CSGALNACT1: variants seen among roughly 807,000 people sequenced by gnomAD.
CSGALNACT1 encodes chondroitin sulfate N-acetylgalactosaminyltransferase 1, also known as beta4GalNAcT-1.
Under a neutral mutation model 51.0 loss-of-function variants are expected in CSGALNACT1, and 52 were observed. That is an observed-to-expected ratio of 1.02 (90% CI 0.82 to 1.29). The LOEUF is 1.29. Among genes scored for constraint, CSGALNACT1 ranks in the 50% most tolerant of loss-of-function variants. CSGALNACT1 has a pLI of 0.00. For missense variants in CSGALNACT1, 935 were observed against 679.2 expected (o/e 1.38, Z -4.19); for synonymous variants, 341 against 254.4 (o/e 1.34, Z -3.24).
At position 19,560,773 on chromosome 8, in the gene CSGALNACT1, G is replaced by A. The variant is rs75957856; in HGVS notation, c.-297+30387C>T. On this transcript the variant is annotated intron_variant, in intron 3 of 9. Coordinates refer to ENST00000454498, the Ensembl canonical transcript of CSGALNACT1. ...GAACACAGGACAGATGCAGAGATGCGTATTCCAGGAGCCAGCAATTCCACT... is the reference window on the plus strand; with the variant it reads ...GAACACAGGACAGATGCAGAGATGCATATTCCAGGAGCCAGCAATTCCACT... Among the ~76,000 whole-genome samples the A allele has an allele frequency of 1.5e-3, 223 of 152,314 alleles. No homozygotes were observed. In the East Asian group the frequency reaches 0.018, roughly 12 times the overall value.
intron 2 of CSGALNACT1, among the ~76,000 whole-genome samples, chr8:19,596,739 T>TA (rs1212327045): frequency 6.6e-6 from 1 of 152,180 alleles, no homozygotes; most frequent in Non-Finnish European, 1.5e-5. Flanking sequence ...CCATGAACTC[T>TA]AAAAAATCTA....
intron 1 of CSGALNACT1, among the ~76,000 whole-genome samples, chr8:19,622,794 C>A (rs926646892): frequency 3.3e-5 from 5 of 150,806 alleles, no homozygotes; most frequent in African/African-American, 4.9e-5. Context: ...GAAAATAAGG[C>A]AAGAAAGGAG....
intron 4 of CSGALNACT1, among the ~76,000 whole-genome samples, chr8:19,483,134 C>G (rs1011956751): frequency 1.3e-5 from 2 of 152,216 alleles, no homozygotes; most frequent in African/African-American, 2.4e-5. Flanking sequence ...TCTGCTACCA[C>G]AAATGAAGCT....
At chr8:19,549,585 T>C (rs1457441956) in intron 3 of CSGALNACT1, among the ~76,000 whole-genome samples, 1 of 151,712 alleles carries the variant, frequency 6.6e-6, no homozygotes, top group East Asian at 1.9e-4. Flanking sequence ...ACAGGTGATG[T>C]TCAAAGGTCA....
At chr8:19,695,011 G>GC (rs989573358) in intron 1 of CSGALNACT1, among the ~76,000 whole-genome samples, 1 of 152,040 alleles carries the variant, frequency 6.6e-6, no homozygotes, top group African/African-American at 2.4e-5. Flanking sequence ...GGCAGCACAG[G>GC]CCCCCCATCT....
intron 3 of CSGALNACT1, among the ~76,000 whole-genome samples, chr8:19,531,222 T>A (rs554866881): frequency 4.0e-4 from 61 of 152,256 alleles, no homozygotes; most frequent in Non-Finnish European, 7.9e-4. Flanking sequence ...TATTTTAGAG[T>A]TGGAAACATT....
intron 6 of CSGALNACT1, among the ~76,000 whole-genome samples, chr8:19,426,028 G>C (rs536314174): frequency 6.2e-4 from 95 of 152,278 alleles, no homozygotes; most frequent in Non-Finnish European, 1.2e-3. Context: ...ATCTGTATGA[G>C]GGGCTCTAGC....
intron 5 of CSGALNACT1, among the ~76,000 whole-genome samples, chr8:19,441,492 G>A (rs1367812368): frequency 6.6e-6 from 1 of 152,186 alleles, no homozygotes; most frequent in African/African-American, 2.4e-5. Context: ...TTAATAAATG[G>A]TGCTGGGAAA....
intron 1 of CSGALNACT1, among the ~76,000 whole-genome samples, chr8:19,721,893 G>T (rs1175773949): frequency 6.6e-6 from 1 of 152,020 alleles, no homozygotes; most frequent in Admixed American, 6.6e-5. Context: ...AAAATTAATT[G>T]CTAAAAAAAC....
At chr8:19,553,975 AT>A (rs1304985055) in intron 3 of CSGALNACT1, among the ~76,000 whole-genome samples, 2 of 152,022 alleles carry the variant, frequency 1.3e-5, no homozygotes, top group African/African-American at 4.8e-5. Flanking sequence ...ATCTTTCAGA[AT>A]AGAGAAAAAT....
chr8:19,580,956 C>G (rs1355190958), intron 3 of CSGALNACT1, among the ~76,000 whole-genome samples: 2 of 151,928 alleles, frequency 1.3e-5, no homozygotes, highest in Non-Finnish European at 2.9e-5. Flanking sequence ...ATCAGAAGCA[C>G]AGAGAGAAAA....
exon 10 of CSGALNACT1, chr8:19,404,578 A>G (rs1334223850): frequency 2.2e-6 from 1 of 448,646 alleles, no homozygotes; most frequent in Non-Finnish European, 4.4e-6. Context: ...CCATCCCACT[A>G]GATTCTGGCA....
intron 4 of CSGALNACT1, among the ~76,000 whole-genome samples, chr8:19,471,110 A>G (rs898263268): frequency 6.6e-6 from 1 of 151,948 alleles, no homozygotes; most frequent in Non-Finnish European, 1.5e-5. Context: ...CAAAACAACA[A>G]AACAAAAGGA....
intron 1 of CSGALNACT1, among the ~76,000 whole-genome samples, chr8:19,641,184 C>T (rs1273751635): frequency 1.5e-5 from 2 of 137,158 alleles, no homozygotes; most frequent in African/African-American, 5.4e-5. Flanking sequence ...CCCTTCACTT[C>T]TCCTCCCAAC....
At chr8:19,656,118 T>C (rs1212249380) in intron 1 of CSGALNACT1, among the ~76,000 whole-genome samples, 2 of 152,206 alleles carry the variant, frequency 1.3e-5, no homozygotes, top group South Asian at 2.1e-4. Flanking sequence ...TCAGTCATCA[T>C]GGACTCTCAT....
chr8:19,523,203 C>T (rs948315086), intron 3 of CSGALNACT1, among the ~76,000 whole-genome samples: 6 of 152,292 alleles, frequency 3.9e-5, no homozygotes, highest in Admixed American at 1.3e-4. Context: ...GCCACACCCA[C>T]CTCGCTCTAT....
chr8:19,678,042 A>C (rs1203105676), intron 1 of CSGALNACT1, among the ~76,000 whole-genome samples: 1 of 152,044 alleles, frequency 6.6e-6, no homozygotes, highest in Admixed American at 6.6e-5. Flanking sequence ...AGGAGGTGGA[A>C]GCTGCAGTGA....
intron 1 of CSGALNACT1, among the ~76,000 whole-genome samples, chr8:19,733,582 T>A (rs2063803284): frequency 6.6e-6 from 1 of 152,200 alleles, no homozygotes; most frequent in South Asian, 2.1e-4. Flanking sequence ...TAAGACAGAA[T>A]TTTAATCAGA....
At chr8:19,544,699 G>C (rs1156545891) in intron 3 of CSGALNACT1, among the ~76,000 whole-genome samples, 3 of 152,164 alleles carry the variant, frequency 2.0e-5, no homozygotes, top group Non-Finnish European at 2.9e-5. Flanking sequence ...GCTTAGCTAT[G>C]CTAAATTCCA....
Sources: gnomAD v4.1 joint callset for allele counts (sites outside exome capture counted in the v4.1 genomes callset) on GRCh38, gnomAD v4.1.1 for gene constraint, MANE v1.5 for transcripts, NCBI Gene and HGNC (gene_info 2026-07-23, HGNC 2026-07-21) for gene names.